VPS13D: variants seen among roughly 807,000 people sequenced by gnomAD.
VPS13D encodes intermembrane lipid transfer protein VPS13D.
Under a neutral mutation model 461.9 loss-of-function variants are expected in VPS13D, and 187 were observed. The observed-to-expected ratio is 0.40, with a 90% CI of 0.36 to 0.46. VPS13D has a LOEUF of 0.46. Ranked by LOEUF, VPS13D falls within the 20% of genes least tolerant of loss-of-function variation. The pLI, the probability that VPS13D is intolerant of heterozygous loss-of-function variation, is 0.60. For missense variants in VPS13D, 4,711 were observed against 5,364.9 expected (o/e 0.88, Z 3.81); for synonymous variants, 1,951 against 1,986.3 (o/e 0.98, Z 0.47).
chr1:12,362,174 C>A (rs1358466778), intron 50 of VPS13D, among the ~76,000 whole-genome samples: 1 of 152,160 alleles, frequency 6.6e-6, no homozygotes, highest in East Asian at 1.9e-4. Flanking sequence ...TGAATAAGTT[C>A]TATAGTACTT....
Position 12,262,007 on chromosome 1 carries a change from A to C in VPS13D, c.1521A>C (p.Thr507=). The C allele has an allele frequency of 6.2e-7, 1 of 1,614,202 alleles. No individual in the cohort carries two copies. The highest frequency in any genetic ancestry group is 1.1e-5 in the South Asian group (1 of 91,076). The change falls in exon 13 of 70, where the codon ACA becomes ACC. Residue 507 remains threonine (T), a synonymous_variant. Transcript: ENST00000620676. Reference sequence around the variant, plus strand: ...TGAATTTGCAGTTGCAGCGAGGTACAGTGACTCTGTTACACAAGGAGCAAG... The same window carrying C: ...TGAATTTGCAGTTGCAGCGAGGTACCGTGACTCTGTTACACAAGGAGCAAG... The part of the protein sequence containing the change: ...AKLNLQLQRG[T]VTLLHKEQGT...
intron 49 of VPS13D, 106 bp from the exon 50 acceptor site, chr1:12,358,353 A>G: frequency 7.1e-7 from 1 of 1,418,162 alleles, no homozygotes; most frequent in Non-Finnish European, 9.6e-7. Flanking sequence ...AGTCAGTGGT[A>G]GAGATGGAAC....
intron 63 of VPS13D, among the ~76,000 whole-genome samples, chr1:12,407,804 A>G (rs1236018645): frequency 1.3e-5 from 2 of 152,224 alleles, no homozygotes; most frequent in Admixed American, 1.3e-4. Flanking sequence ...TTGACATTTC[A>G]GTAGAGGTTT....
chr1:12,231,407 C>G (rs941720410), intron 1 of VPS13D, among the ~76,000 whole-genome samples: 5 of 152,198 alleles, frequency 3.3e-5, no homozygotes, highest in African/African-American at 1.2e-4. Context: ...GACCAGGTTG[C>G]CTCACAATGC....
Position 12,369,602 on chromosome 1 carries a change from G to A in VPS13D, c.10708G>A (p.Gly3570Arg). Residue 3570 changes from glycine to arginine, a missense_variant, in exon 54 of 70, where the codon GGG (glycine) becomes AGG (arginine). By Grantham distance (125) the Gly-to-Arg change is moderately radical. Around this residue, in one of 3 missense-constraint regions of VPS13D, gnomAD observed 4,411 missense variants for 4,937.8 expected, o/e 0.89. Coordinates refer to ENST00000620676, the MANE Select transcript of VPS13D (RefSeq NM_015378.4). ...PFITLTVKGA[G>R]SSEINCNMND... ...TATCACTCTGACTGTTAAAGGGGCAGGGTCCTCTGAGATCAACTGCAACAT... is the reference window on the plus strand; with the variant it reads ...TATCACTCTGACTGTTAAAGGGGCAAGGTCCTCTGAGATCAACTGCAACAT... The A allele has an allele frequency of 6.2e-7, 1 of 1,614,164 alleles. No individual in the cohort carries two copies. Among genetic ancestry groups the A allele is most frequent in the Non-Finnish European group, 8.5e-7 (1 of 1,180,032 alleles).
chr1:12,230,575 C>T (rs780929130), intron 1 of VPS13D, among the ~76,000 whole-genome samples: 9 of 152,184 alleles, frequency 5.9e-5, no homozygotes, highest in Admixed American at 2.0e-4. Flanking sequence ...GAGCCCCCCA[C>T]ATTACGCCGA....
intron 66 of VPS13D, among the ~76,000 whole-genome samples, chr1:12,459,482 C>CTTTTTTTTTTTTTTT (rs869264869): frequency 7.6e-6 from 1 of 131,358 alleles, no homozygotes; most frequent in Non-Finnish European, 1.6e-5. Flanking sequence ...CTTTTCTTTT[C>CTTTTTTTTTTTTTTT]TTTTTTTTTT....
chr1:12,348,500 A>G (rs904120001), intron 44 of VPS13D, among the ~76,000 whole-genome samples: 1 of 152,232 alleles, frequency 6.6e-6, no homozygotes, highest in African/African-American at 2.4e-5. Flanking sequence ...AAAATTGGAT[A>G]GGTTATTATC....
chr1:12,372,343 G>A (rs888369256), intron 54 of VPS13D, among the ~76,000 whole-genome samples: 2 of 152,136 alleles, frequency 1.3e-5, no homozygotes, highest in Non-Finnish European at 2.9e-5. Flanking sequence ...GATTACAGGT[G>A]TGAGTCACTG....
At position 12,314,168 on chromosome 1, in the gene VPS13D, A is replaced by G. The variant is rs1642831405; in HGVS notation, c.6989A>G (p.Lys2330Arg). 1 of 1,614,102 alleles carries G rather than the reference A, an allele frequency of 6.2e-7. No individual in the cohort carries two copies. The highest frequency in any genetic ancestry group is 8.5e-7 in the Non-Finnish European group (1 of 1,180,038). Reference protein sequence around the residue: ...LLYESFSNQTKSINLVSHSMM... With the variant: ...LLYESFSNQTRSINLVSHSMM... Reference sequence around the variant, plus strand: ...TATGAAAGTTTTTCCAACCAAACCAAGTCCATTAACTTGGTTTCCCATTCC... The same window carrying G: ...TATGAAAGTTTTTCCAACCAAACCAGGTCCATTAACTTGGTTTCCCATTCC... The change falls in exon 30 of 70, where the codon AAG becomes AGG. Residue 2330 changes from lysine to arginine, a missense_variant. This residue lies in a region of VPS13D where 4,411 missense variants were observed against 4,937.8 expected (regional missense o/e 0.89). Transcript: ENST00000620676.
rs1428050229 is a variant in VPS13D, at chr1:12,279,705, TATG to T, written c.4602+58_4602+60del. On this transcript the variant is annotated intron_variant, in intron 20 of 69. Transcript: ENST00000620676. The surrounding 1 kb of genome is among the most constrained non-coding windows in gnomAD (Gnocchi z 4.3). ...TATGTTTATATTAGTACTCTATAAA[TATG>T]ATATATATTTATGTATATTACATGT... The T allele has an allele frequency of 2.9e-6, 4 of 1,386,212 alleles. No individual in the cohort carries two copies. Among genetic ancestry groups the T allele is most frequent in the Non-Finnish European group, 1.9e-6 (2 of 1,033,520 alleles). 85.9% of individuals were successfully genotyped at this position (1,386,212 alleles called of 1,614,324 possible).
chr1:12,263,079 T>A (rs1481562858), intron 13 of VPS13D, among the ~76,000 whole-genome samples: 1 of 152,214 alleles, frequency 6.6e-6, no homozygotes, highest in Non-Finnish European at 1.5e-5. Flanking sequence ...GTTATTGATT[T>A]ATTAACATTG....
At chr1:12,237,510 G>T (rs1640195576) in intron 2 of VPS13D, among the ~76,000 whole-genome samples, 2 of 149,814 alleles carry the variant, frequency 1.3e-5, no homozygotes, top group African/African-American at 2.5e-5. Context: ...ATTTTCACTT[G>T]TTCAGTCATT....
At chr1:12,426,621 C>G (rs1283695133) in intron 65 of VPS13D, among the ~76,000 whole-genome samples, 1 of 152,134 alleles carries the variant, frequency 6.6e-6, no homozygotes, top group Non-Finnish European at 1.5e-5. Flanking sequence ...TCTCTCAGTT[C>G]TGCTAACAGA....
intron 57 of VPS13D, among the ~76,000 whole-genome samples, chr1:12,380,621 G>A (rs1644260901): frequency 6.6e-6 from 1 of 152,182 alleles, no homozygotes; most frequent in Admixed American, 6.5e-5. Context: ...AGGTGTCTAG[G>A]AGGTTTGGAC....
In VPS13D at chr1:12,502,882, CT is replaced by C. The variant is rs1187145671; in HGVS notation, c.12795-3970del. ...AGCTACCATTAACTGCGGATCTCTT[CT>C]GTGTGGGGCACGTAGATTAGCTCAC... On this transcript the variant is annotated intron_variant, in intron 68 of 69. Coordinates refer to ENST00000620676, the MANE Select transcript of VPS13D (RefSeq NM_015378.4). The surrounding 1 kb of genome is among the most constrained non-coding windows in gnomAD (Gnocchi z 4.3). Among the ~76,000 whole-genome samples, 2 of 152,162 alleles carry C rather than the reference CT, an allele frequency of 1.3e-5. No individual in the cohort carries two copies. Among genetic ancestry groups the C allele is most frequent in the African/African-American group, 2.4e-5 (1 of 41,438 alleles).
At chr1:12,304,429 A>G (rs750515552) in intron 25 of VPS13D, 77 bp from the exon 26 acceptor site, 1 of 1,345,834 alleles carries the variant, frequency 7.4e-7, no homozygotes, top group Non-Finnish European at 1.0e-6. Flanking sequence ...CTTTGGAGAT[A>G]TTAAAGATAG....
At chr1:12,480,679 C>T (rs1645702975) in intron 67 of VPS13D, among the ~76,000 whole-genome samples, 1 of 152,166 alleles carries the variant, frequency 6.6e-6, no homozygotes, top group Non-Finnish European at 1.5e-5. Context: ...TTCTGCTGCT[C>T]TTTTGAAATT....
intron 53 of VPS13D, among the ~76,000 whole-genome samples, 163 bp downstream of exon 53, chr1:12,368,754 A>G (rs924176989): frequency 1.3e-5 from 2 of 152,204 alleles, no homozygotes; most frequent in Non-Finnish European, 2.9e-5. Context: ...CCTTACCATT[A>G]AGAGGTGTTT....
Sources: gnomAD v4.1 joint callset for allele counts (sites outside exome capture counted in the v4.1 genomes callset) on GRCh38, gnomAD v4.1.1 for gene constraint, gnomAD v4.1.1 regional missense constraint, Gnocchi (gnomAD v3.1) non-coding constraint, MANE v1.5 for transcripts, NCBI Gene and HGNC (gene_info 2026-07-23, HGNC 2026-07-21) for gene names.